The following SORBS2 variants were observed in gnomAD, a reference collection of about 807,000 sequenced individuals.
The protein encoded by SORBS2 is sorbin and SH3 domain containing 2.
Under a neutral mutation model 97.7 loss-of-function variants are expected in SORBS2, and 46 were observed. The observed-to-expected ratio is 0.47, with a 90% CI of 0.37 to 0.60. SORBS2 has a LOEUF of 0.60. Ranked by LOEUF, SORBS2 falls within the 20% of genes least tolerant of loss-of-function variation. SORBS2 has a pLI of 0.00. For synonymous variants in SORBS2, 476 were observed against 473.4 expected, an observed-to-expected ratio of 1.01 and a Z score of -0.07; for missense variants, 1,316 against 1,282.3, an observed-to-expected ratio of 1.03 and a Z score of -0.40.
At chr4:185,752,338 C>G (rs184233678) in intron 2 of SORBS2, among the ~76,000 whole-genome samples, 5 of 152,096 alleles carry the variant, frequency 3.3e-5, no homozygotes, top group South Asian at 2.1e-4. Context: ...TGCAGTGGCA[C>G]GATCTTGGCT....
At chr4:185,699,289 T>C (rs1377665280) in intron 2 of SORBS2, among the ~76,000 whole-genome samples, 1 of 147,372 alleles carries the variant, frequency 6.8e-6, no homozygotes, top group Non-Finnish European at 1.5e-5. Context: ...TGTACCTTTT[T>C]TTTTTTTTTT....
chr4:185,870,962 T>G (rs1001483969), intron 1 of SORBS2, among the ~76,000 whole-genome samples: 1 of 152,344 alleles, frequency 6.6e-6, no homozygotes, highest in Middle Eastern at 3.4e-3. Context: ...TCTCTCCATA[T>G]GCACAATAGT....
chr4:185,691,711 C>T (rs73013678), intron 2 of SORBS2, among the ~76,000 whole-genome samples: 4,162 of 152,096 alleles, frequency 0.027, 202 homozygotes, highest in African/African-American at 0.096. Flanking sequence ...GAGATTAATT[C>T]GCTAGAAACG....
chr4:185,737,147 C>T (rs776907417), intron 2 of SORBS2, among the ~76,000 whole-genome samples: 7 of 152,176 alleles, frequency 4.6e-5, no homozygotes, highest in Non-Finnish European at 1.0e-4. Flanking sequence ...TATTTAAGTG[C>T]TCCAAAAGCA....
intron 1 of SORBS2, among the ~76,000 whole-genome samples, chr4:185,868,767 C>T (rs1475212559): frequency 1.3e-5 from 2 of 152,176 alleles, no homozygotes; most frequent in Non-Finnish European, 2.9e-5. Context: ...GCAAGTCATG[C>T]TGTGTCAATA....
intron 1 of SORBS2, among the ~76,000 whole-genome samples, chr4:185,893,289 T>C (rs532943305): frequency 6.6e-6 from 1 of 152,302 alleles, no homozygotes; most frequent in East Asian, 1.9e-4. Flanking sequence ...GATCATAACA[T>C]CTGCGAGTGT....
At chr4:185,869,723 G>A (rs2099229347) in intron 1 of SORBS2, among the ~76,000 whole-genome samples, 1 of 152,230 alleles carries the variant, frequency 6.6e-6, no homozygotes, top group Admixed American at 6.5e-5. Context: ...GGCAAGTGGA[G>A]TGTCTGCCAG....
chr4:185,845,218 C>T (rs75658243), intron 1 of SORBS2, among the ~76,000 whole-genome samples: 1,645 of 152,084 alleles, frequency 0.011, 22 homozygotes, highest in Middle Eastern at 0.027. Flanking sequence ...CAGAGTCCCA[C>T]GAGGTTGCCC....
chr4:185,857,734 C>T (rs1325735482), intron 1 of SORBS2, among the ~76,000 whole-genome samples: 2 of 152,158 alleles, frequency 1.3e-5, no homozygotes, highest in Non-Finnish European at 2.9e-5. Context: ...CTGGGAGTGT[C>T]TGTCTTATAC....
chr4:185,662,754 T>C (rs1269347939), intron 4 of SORBS2, among the ~76,000 whole-genome samples: 1 of 152,204 alleles, frequency 6.6e-6, no homozygotes, highest in African/African-American at 2.4e-5. Flanking sequence ...GTTGTTTGGA[T>C]GTATATATCA....
intron 1 of SORBS2, among the ~76,000 whole-genome samples, chr4:185,913,285 A>G (rs2099256318): frequency 6.6e-6 from 1 of 152,214 alleles, no homozygotes; most frequent in Non-Finnish European, 1.5e-5. Context: ...GAACAAATAA[A>G]CATTAACCAA....
intron 2 of SORBS2, among the ~76,000 whole-genome samples, chr4:185,733,638 G>C (rs990519597): frequency 2.0e-5 from 3 of 152,182 alleles, no homozygotes; most frequent in African/African-American, 7.2e-5. Context: ...ACACTACATG[G>C]GAAGGGAGAA....
chr4:185,614,788 A>C, intron 11 of SORBS2, 43 bp downstream of exon 23: 3 of 1,608,526 alleles, frequency 1.9e-6, no homozygotes, highest in Non-Finnish European at 2.5e-6. Context: ...CCACTGAAGA[A>C]CAAACAAACA....
chr4:185,840,178 G>A (rs567044916), intron 1 of SORBS2, among the ~76,000 whole-genome samples: 1 of 152,300 alleles, frequency 6.6e-6, no homozygotes, highest in South Asian at 2.1e-4. Flanking sequence ...TGGATGAACA[G>A]GGGTTGTTCA....
chr4:185,748,385 A>G (rs1420159151), intron 2 of SORBS2, among the ~76,000 whole-genome samples: 1 of 152,130 alleles, frequency 6.6e-6, no homozygotes, highest in Non-Finnish European at 1.5e-5. Context: ...TCTTGAAAAT[A>G]TTTTCATAGT....
intron 3 of SORBS2, among the ~76,000 whole-genome samples, chr4:185,648,726 G>C (rs994510211): frequency 6.6e-6 from 1 of 152,174 alleles, no homozygotes; most frequent in Non-Finnish European, 1.5e-5. Context: ...ATAACGAGCT[G>C]CATGAGCTGA....
At chr4:185,621,872 C>T (rs1487274680) in intron 7 of SORBS2, among the ~76,000 whole-genome samples, 1 of 152,132 alleles carries the variant, frequency 6.6e-6, no homozygotes, top group Non-Finnish European at 1.5e-5. Flanking sequence ...GCCCAACTTC[C>T]AAAATTGAAA....
At chr4:185,734,942 T>C (rs1276004559) in intron 2 of SORBS2, among the ~76,000 whole-genome samples, 3 of 152,252 alleles carry the variant, frequency 2.0e-5, no homozygotes, top group Non-Finnish European at 4.4e-5. Flanking sequence ...CTTTTCACTA[T>C]TGGAATTCCC....
intron 1 of SORBS2, among the ~76,000 whole-genome samples, chr4:185,898,805 G>A (rs2099246208): frequency 6.6e-6 from 1 of 152,164 alleles, no homozygotes; most frequent in South Asian, 2.1e-4. Context: ...TCACTGTAGA[G>A]GCCAAGGCAT....
Sources: allele counts gnomAD v4.1 joint callset (sites outside exome capture counted in the v4.1 genomes callset), GRCh38; gene constraint gnomAD v4.1.1; transcripts MANE v1.5; gene names NCBI Gene and HGNC (gene_info 2026-07-23, HGNC 2026-07-21).